The following AK5 variants were observed in gnomAD, a reference collection of about 807,000 sequenced individuals.
AK5 encodes adenylate kinase 5.
A neutral mutation model predicts 69.5 loss-of-function variants in AK5; 27 were observed. The ratio of observed to expected loss-of-function variants is 0.39; its 90% CI spans 0.29 to 0.54. AK5 has a LOEUF of 0.54. Ranked by LOEUF, AK5 falls within the 20% of genes least tolerant of loss-of-function variation. The probability of loss-of-function intolerance (pLI) is 0.71; values close to 1 mark genes in which losing one functional copy is unlikely to be tolerated. For missense variants in AK5, 531 were observed against 700.4 expected (o/e 0.76, Z 2.73); for synonymous variants, 260 against 244.4 (o/e 1.06, Z -0.60).
chr1:77,318,730 G>A (rs1175103839), intron 5 of AK5, among the ~76,000 whole-genome samples: 2 of 147,534 alleles, frequency 1.4e-5, no homozygotes, highest in Admixed American at 1.3e-4. Context: ...TTTTTTTTCT[G>A]CTTGTCCAGT....
chr1:77,334,474 G>A (rs917018907), intron 5 of AK5, among the ~76,000 whole-genome samples: 1 of 151,998 alleles, frequency 6.6e-6, no homozygotes, highest in Non-Finnish European at 1.5e-5. Flanking sequence ...TCTTGGATCT[G>A]GGACTTGATG....
chr1:77,330,005 A>G (rs1661001524), intron 5 of AK5, among the ~76,000 whole-genome samples: 1 of 152,206 alleles, frequency 6.6e-6, no homozygotes, highest in Admixed American at 6.5e-5. Context: ...AGACAGAAAG[A>G]AAGATGGATA....
intron 6 of AK5, among the ~76,000 whole-genome samples, chr1:77,393,992 A>G (rs1160822987): frequency 6.6e-6 from 1 of 152,120 alleles, no homozygotes; most frequent in Non-Finnish European, 1.5e-5. Context: ...AGGTGGGCCT[A>G]TCACTTGAAG....
At chr1:77,496,129 G>A (rs540038727) in intron 10 of AK5, among the ~76,000 whole-genome samples, 10 of 152,278 alleles carry the variant, frequency 6.6e-5, no homozygotes, top group Middle Eastern at 3.4e-3. Context: ...CTGAAGTAGG[G>A]ATCAGAGTTG....
intron 10 of AK5, among the ~76,000 whole-genome samples, chr1:77,496,418 C>A (rs1656317830): frequency 6.6e-6 from 1 of 152,170 alleles, no homozygotes; most frequent in African/African-American, 2.4e-5. Flanking sequence ...CATCAGCTTC[C>A]AACTTCAGAT....
intron 10 of AK5, among the ~76,000 whole-genome samples, chr1:77,495,015 C>T (rs777150113): frequency 4.6e-5 from 7 of 152,060 alleles, no homozygotes; most frequent in African/African-American, 7.2e-5. Context: ...ATATCCTGAC[C>T]TCGTGATCTG....
intron 10 of AK5, among the ~76,000 whole-genome samples, chr1:77,490,840 G>A (rs1196236252): frequency 6.7e-6 from 1 of 148,370 alleles, no homozygotes. Flanking sequence ...ATTTATTCTG[G>A]CGTCTTTTTC....
At chr1:77,294,092 C>A in intron 3 of AK5, 132 bp downstream of exon 3, 4 of 719,068 alleles carry the variant, frequency 5.6e-6, no homozygotes, top group East Asian at 3.1e-5. Flanking sequence ...GCTCAAGGGA[C>A]AATAAATGGA....
At chr1:77,333,544 T>TCC (rs369283568) in intron 5 of AK5, among the ~76,000 whole-genome samples, 5,375 of 144,496 alleles carry the variant, frequency 0.037, 159 homozygotes, top group South Asian at 0.06. Flanking sequence ...TTTTTAAATC[T>TCC]CCCCCCCACC....
chr1:77,344,845 T>C (rs1037014765), intron 6 of AK5, among the ~76,000 whole-genome samples: 5 of 152,114 alleles, frequency 3.3e-5, no homozygotes, highest in Admixed American at 2.0e-4. Flanking sequence ...ACCCAATGTG[T>C]AGTCTTTGAT....
At chr1:77,480,119 A>AGTGT (rs10618389) in intron 8 of AK5, among the ~76,000 whole-genome samples, 9 of 149,874 alleles carry the variant, frequency 6.0e-5, no homozygotes, top group South Asian at 4.3e-4. Context: ...ATTCACCCCG[A>AGTGT]GTGTGTGTGT....
At chr1:77,486,395 T>G (rs1349927494) in intron 10 of AK5, 43 bp downstream of exon 10, 3 of 1,489,690 alleles carry the variant, frequency 2.0e-6, no homozygotes, top group Admixed American at 3.5e-5. Flanking sequence ...CAATTGCTAA[T>G]AATAAGAATT....
intron 6 of AK5, among the ~76,000 whole-genome samples, chr1:77,402,001 A>G (rs1239694393): frequency 1.3e-5 from 2 of 152,220 alleles, no homozygotes; most frequent in African/African-American, 2.4e-5. Context: ...GTCCTTAGGA[A>G]TAAGAAAAGG....
intron 6 of AK5, among the ~76,000 whole-genome samples, chr1:77,362,832 T>C (rs1466430981): frequency 6.6e-6 from 1 of 152,202 alleles, no homozygotes; most frequent in Non-Finnish European, 1.5e-5. Context: ...GAAAAGTAAT[T>C]TGGTAATATG....
chr1:77,413,236 T>G (rs933222653), intron 7 of AK5, among the ~76,000 whole-genome samples: 11 of 152,022 alleles, frequency 7.2e-5, no homozygotes, highest in Admixed American at 7.2e-4. Flanking sequence ...GCCTTAGGCA[T>G]TTTCCACCTG....
At chr1:77,485,221 T>G (rs995985941) in intron 9 of AK5, among the ~76,000 whole-genome samples, 4 of 152,236 alleles carry the variant, frequency 2.6e-5, no homozygotes, top group Non-Finnish European at 5.9e-5. Context: ...TGTTTGTTTG[T>G]TTTTTGTTGT....
chr1:77,453,947 G>C (rs1193950586), intron 8 of AK5, among the ~76,000 whole-genome samples: 1 of 152,044 alleles, frequency 6.6e-6, no homozygotes, highest in Non-Finnish European at 1.5e-5. Context: ...GTCATTGTAC[G>C]GGGAGCCCCT....
intron 8 of AK5, among the ~76,000 whole-genome samples, chr1:77,435,185 A>T (rs1418740566): frequency 6.6e-6 from 1 of 152,238 alleles, no homozygotes; most frequent in Non-Finnish European, 1.5e-5. Flanking sequence ...GAAGAGCAGA[A>T]GGCAGTGTTG....
intron 6 of AK5, among the ~76,000 whole-genome samples, chr1:77,348,224 A>G (rs1024564858): frequency 6.6e-6 from 1 of 152,242 alleles, no homozygotes; most frequent in Non-Finnish European, 1.5e-5. Context: ...CTCTCACATG[A>G]TAACTATAAA....
Sources: allele counts gnomAD v4.1 joint callset (sites outside exome capture counted in the v4.1 genomes callset), GRCh38; gene constraint gnomAD v4.1.1; transcripts MANE v1.5; gene names NCBI Gene and HGNC (gene_info 2026-07-23, HGNC 2026-07-21).